Variants in DENND1A observed in about 807,000 individuals in gnomAD.
DENND1A encodes the protein DENN domain-containing protein 1A.
Under a neutral mutation model 113.7 loss-of-function variants are expected in DENND1A, and 51 were observed. The observed-to-expected ratio is 0.45, with a 90% CI of 0.36 to 0.57. DENND1A has a LOEUF of 0.57. Among genes scored for constraint, DENND1A ranks in the 20% least tolerant of loss-of-function variants. The pLI is 0.00. For synonymous variants in DENND1A, 565 were observed against 570.8 expected, an observed-to-expected ratio of 0.99 and a Z score of 0.14; for missense variants, 1,258 against 1,395.9, an observed-to-expected ratio of 0.90 and a Z score of 1.57.
chr9:123,810,756 C>T (rs1184325394), intron 2 of DENND1A, among the ~76,000 whole-genome samples: 4 of 135,434 alleles, frequency 3.0e-5, no homozygotes, highest in Non-Finnish European at 1.5e-5. Flanking sequence ...GAACTTAAAT[C>T]CCTTTTTTTT....
intron 5 of DENND1A, among the ~76,000 whole-genome samples, chr9:123,680,033 G>A (rs2064339980): frequency 6.6e-6 from 1 of 152,186 alleles, no homozygotes; most frequent in Non-Finnish European, 1.5e-5. Context: ...TCATCAGAAA[G>A]AGACACACCC....
chr9:123,618,289 T>C (rs2060758800), intron 10 of DENND1A, among the ~76,000 whole-genome samples: 1 of 152,186 alleles, frequency 6.6e-6, no homozygotes, highest in Admixed American at 6.5e-5. Context: ...CCCAGGAACA[T>C]ATCTAGAGTG....
intron 10 of DENND1A, among the ~76,000 whole-genome samples, chr9:123,625,493 C>T (rs2061165125): frequency 6.6e-6 from 1 of 152,208 alleles, no homozygotes; most frequent in Non-Finnish European, 1.5e-5. Context: ...CCTGTAATCC[C>T]AGTACTTTGG....
At chr9:123,397,771 C>G (rs766801468) in intron 21 of DENND1A, among the ~76,000 whole-genome samples, 4 of 152,216 alleles carry the variant, frequency 2.6e-5, no homozygotes, top group Non-Finnish European at 4.4e-5. Flanking sequence ...TCCAGATTGT[C>G]TATCAGGCTA....
rs141245490 is a variant in DENND1A at position 123,619,096 on chromosome 9, G to A, written c.720-9615C>T. On this transcript the variant is annotated intron_variant, in intron 10 of 23. Transcript: ENST00000394215. ...AGAGTAGCTGGGATTACAGGCACACGCCACCACGCCCAGCTAATTTTTGCA... is the reference window on the plus strand; with the variant it reads ...AGAGTAGCTGGGATTACAGGCACACACCACCACGCCCAGCTAATTTTTGCA... Among the ~76,000 whole-genome samples, 1,319 of 152,146 alleles carry A rather than the reference G, an allele frequency of 8.7e-3. 17 individuals carry two copies. The highest frequency in any genetic ancestry group is 0.03 in the African/African-American group (1,245 of 41,492).
chr9:123,407,067 A>T (rs1370819533), intron 20 of DENND1A, among the ~76,000 whole-genome samples: 1 of 149,890 alleles, frequency 6.7e-6, no homozygotes, highest in Non-Finnish European at 1.5e-5. Context: ...TGAATGGCTC[A>T]GCGCCAACAA....
At chr9:123,515,317 G>T (rs959492294) in intron 13 of DENND1A, among the ~76,000 whole-genome samples, 1 of 152,176 alleles carries the variant, frequency 6.6e-6, no homozygotes, top group African/African-American at 2.4e-5. Context: ...TAATATTATT[G>T]TAACAATTTC....
intron 21 of DENND1A, chr9:123,400,345 G>T (rs538332085): frequency 6.6e-6 from 1 of 152,184 alleles, no homozygotes; most frequent in Non-Finnish European, 1.5e-5. Flanking sequence ...TAAAAAAATC[G>T]TCCGTGCTTG....
At chr9:123,879,054 A>C (rs908894368) in intron 1 of DENND1A, 33 bp from the exon 2 acceptor site, 4 of 1,604,878 alleles carry the variant, frequency 2.5e-6, no homozygotes, top group Non-Finnish European at 3.4e-6. Context: ...TTACTGACAA[A>C]GATTGAGGCA....
chr9:123,526,540 C>T (rs1296841861), intron 13 of DENND1A, among the ~76,000 whole-genome samples: 1 of 152,208 alleles, frequency 6.6e-6, no homozygotes, highest in Admixed American at 6.5e-5. Flanking sequence ...AGCCACAATG[C>T]CCCGAGGGCT....
intron 9 of DENND1A, 34 bp downstream of exon 9, chr9:123,651,979 C>T (rs1477604484): frequency 1.3e-6 from 2 of 1,556,748 alleles, no homozygotes; most frequent in Non-Finnish European, 8.8e-7. Context: ...AAAATTAGAT[C>T]ATTAAAAAGC....
intron 3 of DENND1A, among the ~76,000 whole-genome samples, chr9:123,786,817 T>C (rs574682199): frequency 6.6e-6 from 1 of 152,286 alleles, no homozygotes; most frequent in East Asian, 1.9e-4. Flanking sequence ...TATATAGTGC[T>C]ATAAAAAGTT....
intron 13 of DENND1A, among the ~76,000 whole-genome samples, chr9:123,495,111 GTCTA>G (rs2051750434): frequency 7.3e-6 from 1 of 137,638 alleles, no homozygotes; most frequent in Admixed American, 7.3e-5. Flanking sequence ...TCTCTTGTAT[GTCTA>G]TCTATTATGA....
At chr9:123,652,883 G>A (rs2062735067) in intron 8 of DENND1A, among the ~76,000 whole-genome samples, 3 of 151,928 alleles carry the variant, frequency 2.0e-5, no homozygotes, top group African/African-American at 7.3e-5. Flanking sequence ...CTATAGATTG[G>A]TACTCTTCAG....
intron 13 of DENND1A, among the ~76,000 whole-genome samples, chr9:123,545,120 A>G (rs2056573105): frequency 6.6e-6 from 1 of 151,526 alleles, no homozygotes; most frequent in African/African-American, 2.4e-5. Flanking sequence ...AAAAAGAACT[A>G]TGACAACTTC....
chr9:123,653,595 T>A lies in DENND1A; in HGVS notation c.508-1472A>T, dbSNP rs117198921. ...AGAAAACAGTGGCACAGAGAAGTTG[T>A]GTAATTTGACAAAGGTCACGCAGTA... On this transcript the variant is annotated intron_variant, in intron 8 of 23. Transcript: ENST00000394215. Among the ~76,000 whole-genome samples, 78 of 152,306 alleles carry A rather than the reference T, an allele frequency of 5.1e-4. 1 individual carries two copies. The East Asian group carries it at 0.015, about 29-fold the overall frequency.
At chr9:123,616,368 C>T (rs1001950829) in intron 10 of DENND1A, among the ~76,000 whole-genome samples, 2 of 152,164 alleles carry the variant, frequency 1.3e-5, no homozygotes, top group Non-Finnish European at 2.9e-5. Context: ...AACCATTATG[C>T]TACTGTCGAC....
At chr9:123,660,504 T>C (rs1403011379) in intron 8 of DENND1A, among the ~76,000 whole-genome samples, 1 of 151,588 alleles carries the variant, frequency 6.6e-6, no homozygotes, top group Non-Finnish European at 1.5e-5. Flanking sequence ...AAATTAGAAA[T>C]GATCAGAATT....
At chr9:123,785,554 T>C (rs1832019836) in intron 3 of DENND1A, among the ~76,000 whole-genome samples, 1 of 152,110 alleles carries the variant, frequency 6.6e-6, no homozygotes, top group Non-Finnish European at 1.5e-5. Context: ...TTGTCAACAA[T>C]GGGACACTTT....
Sources: gnomAD v4.1 joint callset for allele counts (sites outside exome capture counted in the v4.1 genomes callset) on GRCh38, gnomAD v4.1.1 for gene constraint, MANE v1.5 for transcripts, NCBI Gene and HGNC (gene_info 2026-07-23, HGNC 2026-07-21) for gene names.